The following NUGGC variants were observed in gnomAD, a reference collection of about 807,000 sequenced individuals.
NUGGC encodes nuclear GTPase SLIP-GC.
A neutral mutation model predicts 92.6 loss-of-function variants in NUGGC; 58 were observed. The observed-to-expected ratio is 0.63, with a 90% CI of 0.51 to 0.78. The LOEUF is 0.78. Ranked by LOEUF, NUGGC falls within the 30% of genes least tolerant of loss-of-function variation. NUGGC has a pLI of 0.00. For synonymous variants in NUGGC, 376 were observed against 366.4 expected (o/e 1.03, Z -0.30); for missense variants, 925 against 964.6 (o/e 0.96, Z 0.54).
intron 10 of NUGGC, among the ~76,000 whole-genome samples, chr8:28,052,882 C>T (rs962182666): frequency 5.3e-5 from 8 of 152,060 alleles, no homozygotes; most frequent in South Asian, 2.1e-4. Context: ...GCCGTTACAT[C>T]GAAAGGCCTG....
chr8:28,059,556 T>A (rs1178400514), intron 8 of NUGGC, among the ~76,000 whole-genome samples: 3 of 152,222 alleles, frequency 2.0e-5, no homozygotes, highest in Non-Finnish European at 2.9e-5. Context: ...TGGCTGGGGA[T>A]GCTGGGCTTG....
chr8:28,060,371 C>A, intron 8 of NUGGC, 55 bp downstream of exon 8: 5 of 1,537,866 alleles, frequency 3.3e-6, no homozygotes, highest in East Asian at 2.3e-5. Context: ...TAGTCAGGAC[C>A]CACAGAGGAA....
intron 17 of NUGGC, 40 bp downstream of exon 17, chr8:28,029,226 C>G: frequency 3.2e-6 from 5 of 1,581,734 alleles, no homozygotes; most frequent in Non-Finnish European, 4.3e-6. Flanking sequence ...TCCCCCGGAG[C>G]CTCTCGGGGT....
chr8:28,037,375 A>G (rs1319374997), intron 13 of NUGGC, among the ~76,000 whole-genome samples: 1 of 152,118 alleles, frequency 6.6e-6, no homozygotes, highest in African/African-American at 2.4e-5. Flanking sequence ...TGGCTCCCAC[A>G]TGAGCTCTGG....
chr8:28,078,823 C>A (rs1431582230), intron 1 of NUGGC, among the ~76,000 whole-genome samples: 3 of 152,218 alleles, frequency 2.0e-5, no homozygotes, highest in South Asian at 2.1e-4. Context: ...TCTATTTCCC[C>A]CCAAAGGGAA....
intron 1 of NUGGC, among the ~76,000 whole-genome samples, chr8:28,077,035 T>G (rs1469983116): frequency 6.6e-6 from 1 of 152,114 alleles, no homozygotes; most frequent in African/African-American, 2.4e-5. Flanking sequence ...ATAGATAAAT[T>G]TTAAGCCTTC....
rs771181956 is a variant in NUGGC at position 28,027,068 on chromosome 8, A to T, written c.2155-16T>A. On this transcript the variant is annotated splice_polypyrimidine_tract_variant and intron_variant, in intron 17 of 18. Transcript: ENST00000413272. ...CGATTCCAGTCTATGCAACAAGGAC[A>T]TTCAGTCTGTTAGGATGGTGCAGCC... 3.8e-6 allele frequency: 6 copies of T among 1,590,996 alleles called. No individual in the cohort carries two copies. In the South Asian group the frequency reaches 6.6e-5, roughly 18 times the overall value.
At chr8:28,065,694 T>C (rs1810424201) in intron 6 of NUGGC, among the ~76,000 whole-genome samples, 1 of 152,084 alleles carries the variant, frequency 6.6e-6, no homozygotes, top group Admixed American at 6.5e-5. Context: ...TGTATGGTGG[T>C]CACTGTTAAA....
chr8:28,027,758 C>G (rs1013661695), intron 17 of NUGGC, among the ~76,000 whole-genome samples: 1 of 152,128 alleles, frequency 6.6e-6, no homozygotes, highest in African/African-American at 2.4e-5. Flanking sequence ...TAACTCAAGG[C>G]CTCTAGGTTC....
chr8:28,052,076 C>T (rs552937339), intron 10 of NUGGC, among the ~76,000 whole-genome samples: 1 of 152,290 alleles, frequency 6.6e-6, no homozygotes, highest in South Asian at 2.1e-4. Flanking sequence ...CCAAATCAGG[C>T]ATCTTGGAAG....
intron 1 of NUGGC, among the ~76,000 whole-genome samples, chr8:28,079,003 G>A (rs1209686497): frequency 2.0e-5 from 3 of 152,210 alleles, no homozygotes; most frequent in Admixed American, 2.0e-4. Flanking sequence ...TTACATTCAT[G>A]TGCACTGAAC....
Position 28,074,371 on chromosome 8 carries a change from G to A in NUGGC, c.40C>T (p.Pro14Ser), listed in dbSNP as rs1426213753. 1 of 1,610,262 alleles carries A rather than the reference G, an allele frequency of 6.2e-7. No individual in the cohort carries two copies. Among genetic ancestry groups the A allele is most frequent in the Non-Finnish European group, 8.5e-7 (1 of 1,176,624 alleles). Residue 14 changes from proline (P) to serine (S), a missense_variant, in exon 2 of 19, where the codon CCA becomes TCA. Transcript: ENST00000413272. Reference sequence around the variant, plus strand: ...GAAGATACTGCAAAGATGTTACCTGGATGCGGTTCCTGGCCAAAAACATCC... The same window carrying A: ...GAAGATACTGCAAAGATGTTACCTGAATGCGGTTCCTGGCCAAAAACATCC... ...TKDVFGQEPH[P>S]VEDDLYKERT...
At chr8:28,076,350 A>G (rs946923956) in intron 1 of NUGGC, among the ~76,000 whole-genome samples, 23 of 152,138 alleles carry the variant, frequency 1.5e-4, no homozygotes, top group African/African-American at 5.6e-4. Flanking sequence ...CCAGGCTGGA[A>G]TGCAGCGGCA....
At chr8:28,036,096 A>G (rs1362647992) in intron 13 of NUGGC, among the ~76,000 whole-genome samples, 1 of 149,976 alleles carries the variant, frequency 6.7e-6, no homozygotes, top group East Asian at 2.0e-4. Flanking sequence ...TTGGTCTTGA[A>G]CTCCTGGCCT....
At chr8:28,080,444 C>T (rs1017508718) in intron 1 of NUGGC, among the ~76,000 whole-genome samples, 9 of 152,200 alleles carry the variant, frequency 5.9e-5, no homozygotes, top group South Asian at 2.1e-4. Flanking sequence ...TACCTTGCCT[C>T]GCATCATTAA....
intron 6 of NUGGC, among the ~76,000 whole-genome samples, chr8:28,065,811 T>G (rs1207605605): frequency 6.6e-6 from 1 of 152,174 alleles, no homozygotes; most frequent in Non-Finnish European, 1.5e-5. Context: ...AGTAAGAGAT[T>G]TCATCAATTT....
intron 18 of NUGGC, among the ~76,000 whole-genome samples, chr8:28,023,865 A>C (rs1585545906): frequency 6.6e-6 from 1 of 152,026 alleles, no homozygotes; most frequent in East Asian, 1.9e-4. Flanking sequence ...CTCAGGTTTT[A>C]ATCCCATGAT....
At chr8:28,027,280 C>T (rs1389583627) in intron 17 of NUGGC, among the ~76,000 whole-genome samples, 1 of 152,202 alleles carries the variant, frequency 6.6e-6, no homozygotes, top group Non-Finnish European at 1.5e-5. Context: ...ACAGCATCTC[C>T]CTCCCCACCT....
At chr8:28,047,461 T>G in intron 11 of NUGGC, 46 bp downstream of exon 11, 176 of 1,230,768 alleles carry the variant, frequency 1.4e-4, no homozygotes, top group Non-Finnish European at 1.8e-4. Context: ...GTGCCAAGCT[T>G]GATCTTGAGA....
Sources: allele counts gnomAD v4.1 joint callset (sites outside exome capture counted in the v4.1 genomes callset), GRCh38; gene constraint gnomAD v4.1.1; transcripts MANE v1.5; gene names NCBI Gene and HGNC (gene_info 2026-07-23, HGNC 2026-07-21).